HECW1: variants seen among roughly 807,000 people sequenced by gnomAD.
The protein encoded by HECW1 is HECT, C2 and WW domain containing E3 ubiquitin protein ligase 1.
HECW1 carries 61 observed loss-of-function variants against 182.3 expected under a neutral mutation model. The observed-to-expected ratio is 0.33, with a 90% CI of 0.27 to 0.41. The LOEUF is 0.41. Ranked by LOEUF, HECW1 falls within the 10% of genes least tolerant of loss-of-function variation. The pLI is 1.00. For synonymous variants in HECW1, 859 were observed against 832.6 expected (o/e 1.03, Z -0.55); for missense variants, 1,739 against 2,108.9 (o/e 0.82, Z 3.44).
At chr7:43,169,451 G>T (rs76171229) in intron 2 of HECW1, among the ~76,000 whole-genome samples, 1 of 152,180 alleles carries the variant, frequency 6.6e-6, no homozygotes, top group South Asian at 2.1e-4. Context: ...AGACATTGAC[G>T]GATACCCCTG....
At chr7:43,418,474 A>G (rs1584840486) in intron 8 of HECW1, among the ~76,000 whole-genome samples, 1 of 152,184 alleles carries the variant, frequency 6.6e-6, no homozygotes, top group Admixed American at 6.5e-5. Flanking sequence ...CAAATGATCC[A>G]TATGCTAGAT....
At chr7:43,527,329 C>CA (rs1394781866) in intron 24 of HECW1, among the ~76,000 whole-genome samples, 6 of 152,104 alleles carry the variant, frequency 3.9e-5, no homozygotes, top group Non-Finnish European at 7.4e-5. Context: ...GCCAGAAGGC[C>CA]AAAATCAAGG....
intron 7 of HECW1, among the ~76,000 whole-genome samples, chr7:43,397,407 A>G (rs1418760277): frequency 6.6e-6 from 1 of 152,236 alleles, no homozygotes; most frequent in Non-Finnish European, 1.5e-5. Context: ...CCATGGTTCC[A>G]TCTGTCATGC....
chr7:43,269,217 C>T (rs11769244), intron 3 of HECW1, among the ~76,000 whole-genome samples: 1 of 152,254 alleles, frequency 6.6e-6, no homozygotes, highest in Non-Finnish European at 1.5e-5. Flanking sequence ...TTGCCATCTC[C>T]TACAACAAGC....
chr7:43,378,661 C>T (rs1465675821), intron 6 of HECW1, among the ~76,000 whole-genome samples: 1 of 152,070 alleles, frequency 6.6e-6, no homozygotes, highest in Non-Finnish European at 1.5e-5. Flanking sequence ...AAAAAATTAG[C>T]TGAGTGTGGT....
chr7:43,157,810 C>T (rs1237412209), intron 2 of HECW1, among the ~76,000 whole-genome samples: 2 of 152,218 alleles, frequency 1.3e-5, no homozygotes, highest in Non-Finnish European at 2.9e-5. Context: ...GTGCACCTGT[C>T]TTGGCCTCCC....
chr7:43,527,952 G>A (rs984865925), intron 24 of HECW1, among the ~76,000 whole-genome samples: 1 of 152,172 alleles, frequency 6.6e-6, no homozygotes, highest in Admixed American at 6.5e-5. Flanking sequence ...TAATGACTGA[G>A]GCTCAGACAA....
intron 6 of HECW1, among the ~76,000 whole-genome samples, chr7:43,361,368 C>A (rs1815887953): frequency 6.6e-6 from 1 of 151,990 alleles, no homozygotes; most frequent in Admixed American, 6.6e-5. Context: ...GTTTTTATTT[C>A]TTTTAGTCTT....
chr7:43,305,022 A>G (rs529307438), intron 3 of HECW1, among the ~76,000 whole-genome samples: 1 of 152,346 alleles, frequency 6.6e-6, no homozygotes, highest in East Asian at 1.9e-4. Flanking sequence ...GGGACTGAGA[A>G]CAGTCACTGA....
intron 9 of HECW1, 98 bp downstream of exon 9, chr7:43,438,243 G>A (rs1253148908): frequency 7.4e-6 from 7 of 942,786 alleles, no homozygotes; most frequent in Non-Finnish European, 1.1e-5. Context: ...CTCACAGAGA[G>A]TCAAAATGGT....
chr7:43,488,408 GAA>G (rs1239458039), intron 17 of HECW1, among the ~76,000 whole-genome samples: 3 of 118,096 alleles, frequency 2.5e-5, no homozygotes, highest in East Asian at 2.3e-4. Context: ...GGAAATGAAA[GAA>G]AGAGAGAGAG....
At chr7:43,254,326 G>A (rs1270729939) in intron 3 of HECW1, among the ~76,000 whole-genome samples, 1 of 151,996 alleles carries the variant, frequency 6.6e-6, no homozygotes, top group Non-Finnish European at 1.5e-5. Flanking sequence ...AATAACACAG[G>A]TAATTGTTAG....
At chr7:43,208,609 A>G (rs1397685308) in intron 2 of HECW1, among the ~76,000 whole-genome samples, 3 of 152,230 alleles carry the variant, frequency 2.0e-5, no homozygotes, top group African/African-American at 7.2e-5. Context: ...TTTTTGTGTC[A>G]GCTTTCAGCT....
chr7:43,131,662 A>T (rs1409166682), intron 2 of HECW1, among the ~76,000 whole-genome samples: 1 of 152,220 alleles, frequency 6.6e-6, no homozygotes, highest in African/African-American at 2.4e-5. Context: ...CATATATTGT[A>T]TTCCAACCCT....
intron 3 of HECW1, among the ~76,000 whole-genome samples, chr7:43,310,885 C>A (rs866547883): frequency 3.3e-5 from 5 of 152,108 alleles, no homozygotes; most frequent in South Asian, 2.1e-4. Flanking sequence ...CAGGACCCCC[C>A]AAAAATGTTC....
At chr7:43,197,217 A>G (rs539948093) in intron 2 of HECW1, among the ~76,000 whole-genome samples, 14 of 152,256 alleles carry the variant, frequency 9.2e-5, no homozygotes, top group African/African-American at 3.1e-4. Flanking sequence ...AGGAAAAAAA[A>G]AGGAAAATCT....
At chr7:43,272,950 A>T (rs971654320) in intron 3 of HECW1, among the ~76,000 whole-genome samples, 1 of 152,228 alleles carries the variant, frequency 6.6e-6, no homozygotes, top group Non-Finnish European at 1.5e-5. Flanking sequence ...CTGAATAAAG[A>T]AAATGTGGTA....
At chr7:43,184,529 C>G (rs1250868937) in intron 2 of HECW1, among the ~76,000 whole-genome samples, 1 of 152,160 alleles carries the variant, frequency 6.6e-6, no homozygotes, top group Non-Finnish European at 1.5e-5. Context: ...AAAGAAATGG[C>G]TGGTGGCTGG....
chr7:43,534,245 C>A (rs1000439437), intron 24 of HECW1, among the ~76,000 whole-genome samples: 1 of 152,176 alleles, frequency 6.6e-6, no homozygotes, highest in Non-Finnish European at 1.5e-5. Context: ...ATCCCGCTTC[C>A]CCTTCCATAA....
Sources: gnomAD v4.1 joint callset for allele counts (sites outside exome capture counted in the v4.1 genomes callset) on GRCh38, gnomAD v4.1.1 for gene constraint, MANE v1.5 for transcripts, NCBI Gene and HGNC (gene_info 2026-07-23, HGNC 2026-07-21) for gene names.